The following NDE1 variants were observed in gnomAD, a reference collection of about 807,000 sequenced individuals.
The protein encoded by NDE1 is nuclear distribution protein nudE homolog 1.
Under a neutral mutation model 43.4 loss-of-function variants are expected in NDE1, and 28 were observed. That is an observed-to-expected ratio of 0.65 (90% CI 0.48 to 0.89). NDE1 has a LOEUF of 0.89. Ranked by LOEUF, NDE1 falls within the 40% of genes least tolerant of loss-of-function variation. NDE1 has a pLI of 0.00. For missense variants in NDE1, 441 were observed against 434.1 expected (o/e 1.02, Z -0.14); for synonymous variants, 184 against 172.0 (o/e 1.07, Z -0.55).
chr16:15,683,950 G>A (rs1472467449), intron 4 of NDE1, among the ~76,000 whole-genome samples: 1 of 152,170 alleles, frequency 6.6e-6, no homozygotes, highest in Admixed American at 6.5e-5. Context: ...TGAAAGAATC[G>A]CTGGGCGCAT....
chr16:15,670,445 G>A (rs1209075584), intron 3 of NDE1, among the ~76,000 whole-genome samples: 4 of 152,082 alleles, frequency 2.6e-5, no homozygotes, highest in Non-Finnish European at 2.9e-5. Context: ...ATCACCTGAG[G>A]TTGGGAGTTT....
intron 8 of NDE1, chr16:15,719,134 A>T: frequency 1.4e-6 from 2 of 1,399,982 alleles, no homozygotes; most frequent in South Asian, 2.4e-5. Flanking sequence ...TCTCGAAAAA[A>T]TTTAAAAAAT....
intron 8 of NDE1, among the ~76,000 whole-genome samples, chr16:15,702,515 A>G (rs898688248): frequency 6.6e-6 from 1 of 151,936 alleles, no homozygotes; most frequent in Non-Finnish European, 1.5e-5. Flanking sequence ...TTAGCCTTCC[A>G]AGAGGTTGGG....
At position 15,717,345 on chromosome 16, in the gene NDE1, C is replaced by T. The variant is rs377663370; in HGVS notation, c.948-6846C>T. ...GTGGCCAGCTCGTTGCTGAGCTGCT[C>T]GGCCTGGGGAGGAGAGTGAAGGCCA... On this transcript the variant is annotated intron_variant, in intron 8 of 8. Coordinates refer to ENST00000396354, the MANE Select transcript of NDE1 (RefSeq NM_017668.3). The T allele has an allele frequency of 3.1e-6, 5 of 1,606,334 alleles. No homozygotes were observed. Among genetic ancestry groups the T allele is most frequent in the East Asian group, 2.2e-5 (1 of 44,878 alleles).
intron 8 of NDE1, among the ~76,000 whole-genome samples, chr16:15,698,630 G>A (rs2039112003): frequency 1.3e-5 from 2 of 152,104 alleles, no homozygotes; most frequent in Non-Finnish European, 2.9e-5. Context: ...AGGCAGAAGT[G>A]GGTGGATCAC....
At chr16:15,653,782 C>A (rs1490491504) in intron 1 of NDE1, among the ~76,000 whole-genome samples, 1 of 150,550 alleles carries the variant, frequency 6.6e-6, no homozygotes, top group African/African-American at 2.4e-5. Context: ...GGCTGGAGTG[C>A]TGTGGGGCGA....
intron 8 of NDE1, chr16:15,703,511 CTG>C (rs768695681): frequency 3.2e-4 from 93 of 290,148 alleles, no homozygotes; most frequent in Non-Finnish European, 5.0e-4. Context: ...GAGGATGTGT[CTG>C]TGTTTCCTGT....
intron 2 of NDE1, among the ~76,000 whole-genome samples, 198 bp from the exon 3 acceptor site, chr16:15,667,088 A>T (rs542242195): frequency 1.9e-4 from 29 of 152,210 alleles, no homozygotes; most frequent in Non-Finnish European, 2.8e-4. Context: ...ACTACTAAAA[A>T]TACAAAAATT....
rs780929960 is a variant in NDE1 at position 15,718,646 on chromosome 16, A to AT, written c.948-5543dup. The AT allele has an allele frequency of 2.1e-4, 142 of 691,174 alleles. 1 individual carries two copies. Among genetic ancestry groups the AT allele is most frequent in the South Asian group, 5.8e-4 (30 of 52,004 alleles). 42.8% of individuals were successfully genotyped at this position (691,174 alleles called of 1,614,324 possible). ...CCGGGTCCGTGTCAGCAAAGCTGGG[A>AT]TTGGGATGGGGACCAGCACACTCCT... is the stretch of plus-strand genomic sequence containing the variant. On this transcript the variant is annotated intron_variant, in intron 8 of 8. Transcript: ENST00000396354.
At chr16:15,705,950 A>C (rs1438685240) in intron 8 of NDE1, among the ~76,000 whole-genome samples, 1 of 135,950 alleles carries the variant, frequency 7.4e-6, no homozygotes, top group Non-Finnish European at 1.5e-5. Context: ...TGGCCACTGC[A>C]CTCCAGCCTA....
At chr16:15,695,400 T>G in intron 7 of NDE1, 15 of 705,208 alleles carry the variant, frequency 2.1e-5, no homozygotes, top group Non-Finnish European at 2.4e-5. Context: ...CCCAGCTACT[T>G]GAGAGGCTTA....
Position 15,721,144 on chromosome 16 carries a change from G to T in NDE1, c.948-3047G>T, listed in dbSNP as rs1012733504. Reference sequence around the variant, plus strand: ...GTGAGCGGCACCTCAGGAGATCAGGGAGGTGGCTTTGGCCTCCCACAGGAT... The same window carrying T: ...GTGAGCGGCACCTCAGGAGATCAGGTAGGTGGCTTTGGCCTCCCACAGGAT... On this transcript the variant is annotated intron_variant, in intron 8 of 8. Coordinates refer to ENST00000396354, the MANE Select transcript of NDE1 (RefSeq NM_017668.3). The T allele has an allele frequency of 7.7e-6, 11 of 1,431,288 alleles. No homozygotes were observed. The South Asian group carries it at 1.3e-4, about 17-fold the overall frequency. 88.7% of individuals were successfully genotyped at this position (1,431,288 alleles called of 1,614,324 possible). A position where few individuals can be genotyped will look rare whatever the true frequency, so the allele number is the denominator to read the frequency against.
At chr16:15,646,584 AAAG>A (rs2036333802), upstream of NDE1, among the ~76,000 whole-genome samples, 1 of 151,444 alleles carries the variant, frequency 6.6e-6, no homozygotes, top group Non-Finnish European at 1.5e-5. Flanking sequence ...CCGTCAAAAA[AAAG>A]AAAAAAAAAA....
intron 1 of NDE1, among the ~76,000 whole-genome samples, chr16:15,654,311 A>G (rs1179335920): frequency 6.6e-6 from 1 of 151,140 alleles, no homozygotes; most frequent in Admixed American, 6.6e-5. Flanking sequence ...TTAAAACACT[A>G]TGTGAGGGCC....
At chr16:15,706,802 A>T (rs551690739) in intron 8 of NDE1, among the ~76,000 whole-genome samples, 1 of 152,112 alleles carries the variant, frequency 6.6e-6, no homozygotes, top group South Asian at 2.1e-4. Flanking sequence ...GGAAGAGTCT[A>T]TTTGCTAACT....
chr16:15,703,916 T>G (rs747272561), intron 8 of NDE1: 6 of 1,598,424 alleles, frequency 3.8e-6, no homozygotes, highest in South Asian at 1.1e-5. Context: ...TGTTCTGGGT[T>G]GTTGTTGGGT....
At chr16:15,712,352 A>G (rs1212064036) in intron 8 of NDE1, among the ~76,000 whole-genome samples, 1 of 152,146 alleles carries the variant, frequency 6.6e-6, no homozygotes, top group Non-Finnish European at 1.5e-5. Context: ...AGCGCTGGGG[A>G]GAGATGAAAA....
At chr16:15,719,246 C>T in intron 8 of NDE1, 3 of 1,613,710 alleles carry the variant, frequency 1.9e-6, no homozygotes, top group Non-Finnish European at 2.5e-6. Context: ...TGGCCAGCTC[C>T]TCTGCCAGTT....
intron 8 of NDE1, chr16:15,718,186 C>T: frequency 1.4e-6 from 2 of 1,476,576 alleles, no homozygotes; most frequent in Non-Finnish European, 1.9e-6. Context: ...CTCTCAGGCC[C>T]CACCACCCTC....
Sources: allele counts gnomAD v4.1 joint callset (sites outside exome capture counted in the v4.1 genomes callset), GRCh38; gene constraint gnomAD v4.1.1; transcripts MANE v1.5; gene names NCBI Gene and HGNC (gene_info 2026-07-23, HGNC 2026-07-21).